DNAJC13: variants seen among roughly 807,000 people sequenced by gnomAD.
The protein encoded by DNAJC13 is DnaJ heat shock protein family (Hsp40) member C13.
In DNAJC13, 75 loss-of-function variants were observed where a neutral mutation model predicts 290.5. That is an observed-to-expected ratio of 0.26 (90% confidence interval 0.21 to 0.31). The LOEUF is 0.31. Ranked by LOEUF, DNAJC13 falls within the 10% of genes least tolerant of loss-of-function variation. DNAJC13 has a pLI of 1.00. For synonymous variants in DNAJC13, 862 were observed against 892.0 expected (o/e 0.97, Z 0.60); for missense variants, 2,260 against 2,674.5 (o/e 0.85, Z 3.42).
At chr3:132,476,811 G>T (rs766066964) in intron 22 of DNAJC13, among the ~76,000 whole-genome samples, 1 of 152,186 alleles carries the variant, frequency 6.6e-6, no homozygotes, top group Non-Finnish European at 1.5e-5. Flanking sequence ...CTCATCTTCA[G>T]ATCTTTTGAA....
At position 132,434,618 on chromosome 3, in the gene DNAJC13, A is replaced by G. The variant is rs374320101; in HGVS notation, c.68A>G (p.Lys23Arg). Reference sequence around the variant, plus strand: ...ACAACAAAACATTCATGGAGGGGGAAGTAAGTATTCTTGTTGGGTTTTTTT... The same window carrying G: ...ACAACAAAACATTCATGGAGGGGGAGGTAAGTATTCTTGTTGGGTTTTTTT... The part of the protein sequence containing the change: ...FYTTKHSWRG[K>R]YKRVFSVGTH... The change falls in exon 2 of 56, where the codon AAG (lysine) becomes AGG (arginine). Residue 23 changes from lysine to arginine, a missense_variant and splice_region_variant. Lys to Arg is a conservative substitution (Grantham distance 26). This residue lies in a region of DNAJC13 where 762 missense variants were observed against 964.1 expected (regional missense o/e 0.79). Coordinates refer to ENST00000260818, the MANE Select transcript of DNAJC13 (RefSeq NM_015268.4). 52 of 1,602,430 alleles carry G rather than the reference A, an allele frequency of 3.2e-5. No homozygotes were observed. Among genetic ancestry groups the G allele is most frequent in the Admixed American group, 1.8e-5 (1 of 57,060 alleles).
At chr3:132,491,116 T>A (rs1248057617) in intron 32 of DNAJC13, 65 bp downstream of exon 32, 9 of 1,341,396 alleles carry the variant, frequency 6.7e-6, no homozygotes, top group Non-Finnish European at 9.1e-6. Context: ...CGCCATCTGC[T>A]TTGACTTCTG....
intron 33 of DNAJC13, among the ~76,000 whole-genome samples, chr3:132,493,505 C>G (rs1429046153): frequency 6.6e-6 from 1 of 151,814 alleles, no homozygotes; most frequent in Non-Finnish European, 1.5e-5. Context: ...GCAGCTAGCT[C>G]TTAGAATCTC....
chr3:132,481,360 G>A (rs1277817862), intron 26 of DNAJC13, among the ~76,000 whole-genome samples: 1 of 152,168 alleles, frequency 6.6e-6, no homozygotes, highest in African/African-American at 2.4e-5. Flanking sequence ...GGCTGAGGCG[G>A]GAGGATCACT....
At chr3:132,449,996 A>G (rs1933371181) in intron 5 of DNAJC13, among the ~76,000 whole-genome samples, 1 of 152,130 alleles carries the variant, frequency 6.6e-6, no homozygotes, top group Admixed American at 6.6e-5. Flanking sequence ...TAGTAAATGG[A>G]TATTGACTAT....
Position 132,523,701 on chromosome 3 carries a change from G to C in DNAJC13, c.6048G>C (p.Lys2016Asn). The change falls in exon 51 of 56, where the codon AAG (lysine) becomes AAC (asparagine). Residue 2016 changes from lysine to asparagine, a missense_variant. Coordinates refer to ENST00000260818, the MANE Select transcript of DNAJC13 (RefSeq NM_015268.4). ...AAAAATTAACTGAGCTCCTAGAGAAGAACAATCCTCATGTAAGCTTCAGTC... is the reference window on the plus strand; with the variant it reads ...AAAAATTAACTGAGCTCCTAGAGAACAACAATCCTCATGTAAGCTTCAGTC... The part of the protein sequence containing the change: ...LLEKLTELLE[K>N]NNPHGETLET... 5.0e-6 allele frequency: 8 copies of C among 1,613,116 alleles called. No individual in the cohort carries two copies. Among genetic ancestry groups the C allele is most frequent in the African/African-American group, 1.3e-5 (1 of 74,974 alleles).
intron 2 of DNAJC13, among the ~76,000 whole-genome samples, chr3:132,440,386 TA>T (rs2107655069): frequency 6.6e-6 from 1 of 152,394 alleles, no homozygotes; most frequent in East Asian, 1.9e-4. Flanking sequence ...TAGGAATAGC[TA>T]ACATTTATTG....
At chr3:132,492,113 C>T (rs575657156) in intron 32 of DNAJC13, among the ~76,000 whole-genome samples, 3 of 152,036 alleles carry the variant, frequency 2.0e-5, no homozygotes, top group African/African-American at 7.2e-5. Flanking sequence ...CCTAGCTACA[C>T]CCTCATGCAT....
chr3:132,459,835 T>C (rs1444547865), intron 13 of DNAJC13, among the ~76,000 whole-genome samples: 2 of 152,212 alleles, frequency 1.3e-5, no homozygotes, highest in African/African-American at 4.8e-5. Flanking sequence ...ATTGGAGCTC[T>C]ACTCCTAACC....
rs768014926 is a variant in DNAJC13, at chr3:132,457,288, G to A, written c.1369G>A (p.Val457Met). The A allele has an allele frequency of 6.2e-7, 1 of 1,612,376 alleles. No homozygotes were observed. Among genetic ancestry groups the A allele is most frequent in the Non-Finnish European group, 8.5e-7 (1 of 1,179,392 alleles). ...CAAAAGGTTTCGCGAGCGTCTAGGG[G>A]TGAAGGTAGTAAAAGCACTCAAAAG... is the stretch of plus-strand genomic sequence containing the variant. ...QLPKFRERLG[V>M]KVVKALKRSN... is the part of the protein sequence containing the mutation. The change falls in exon 13 of 56, where the codon GTG becomes ATG. Residue 457 changes from valine to methionine, a missense_variant. Transcript: ENST00000260818.
intron 1 of DNAJC13, among the ~76,000 whole-genome samples, chr3:132,427,269 G>A (rs1017773852): frequency 2.6e-5 from 4 of 151,570 alleles, no homozygotes; most frequent in Non-Finnish European, 1.5e-5. Flanking sequence ...CCAAGTAGCT[G>A]GGACTATAGG....
intron 13 of DNAJC13, among the ~76,000 whole-genome samples, chr3:132,459,833 T>G (rs1259300524): frequency 6.6e-6 from 1 of 152,190 alleles, no homozygotes; most frequent in Non-Finnish European, 1.5e-5. Context: ...GGATTGGAGC[T>G]CTACTCCTAA....
At chr3:132,466,168 A>G in intron 18 of DNAJC13, 98 bp downstream of exon 18, 2 of 1,403,918 alleles carry the variant, frequency 1.4e-6, no homozygotes, top group Non-Finnish European at 2.0e-6. Context: ...TTTTTATTGA[A>G]AAGTTATTTA....
rs144868266 is a variant in DNAJC13, at chr3:132,434,331, AGCAAAGATCGTGC to A, written c.-13-206_-13-194del. Among the ~76,000 whole-genome samples, 6,938 of 151,442 alleles carry A rather than the reference AGCAAAGATCGTGC, an allele frequency of 0.046. 487 individuals carry two copies. Among genetic ancestry groups the A allele is most frequent in the African/African-American group, 0.15 (6,294 of 41,086 alleles). ...AACCCAGGAGGCGGAGCTTGCAGTG[AGCAAAGATCGTGC>A]CACTGCACTCCAGCCTGGGCGACAG... On this transcript the variant is annotated intron_variant, in intron 1 of 55. Coordinates refer to ENST00000260818, the MANE Select transcript of DNAJC13 (RefSeq NM_015268.4).
chr3:132,424,990 G>A (rs955355087), intron 1 of DNAJC13, among the ~76,000 whole-genome samples: 1 of 152,072 alleles, frequency 6.6e-6, no homozygotes, highest in African/African-American at 2.4e-5. Flanking sequence ...TATCTAAACA[G>A]TTTAGTTGTA....
intron 43 of DNAJC13, among the ~76,000 whole-genome samples, chr3:132,510,362 G>A (rs2107730820): frequency 6.6e-6 from 1 of 152,264 alleles, no homozygotes; most frequent in Admixed American, 6.5e-5. Context: ...AGTGCTTGGG[G>A]ATCATATAGG....
intron 37 of DNAJC13, 65 bp from the exon 38 acceptor site, chr3:132,499,669 C>G: frequency 1.5e-6 from 2 of 1,328,098 alleles, no homozygotes; most frequent in South Asian, 1.2e-5. Flanking sequence ...TTTATTACTG[C>G]TAGAAAAGGC....
chr3:132,483,821 A>T (rs1576490772), intron 28 of DNAJC13, among the ~76,000 whole-genome samples: 1 of 152,234 alleles, frequency 6.6e-6, no homozygotes, highest in Non-Finnish European at 1.5e-5. Context: ...TACAATAGTA[A>T]CAATTTTATA....
intron 28 of DNAJC13, 106 bp from the exon 29 acceptor site, chr3:132,484,482 C>A: frequency 9.6e-7 from 1 of 1,040,682 alleles, no homozygotes; most frequent in South Asian, 1.4e-5. Flanking sequence ...TCTTCATTAA[C>A]AAAAAAGTAA....
Sources: gnomAD v4.1 joint callset for allele counts (sites outside exome capture counted in the v4.1 genomes callset) on GRCh38, gnomAD v4.1.1 for gene constraint, gnomAD v4.1.1 regional missense constraint, MANE v1.5 for transcripts, NCBI Gene and HGNC (gene_info 2026-07-23, HGNC 2026-07-21) for gene names.